ZFP90: variants seen among roughly 807,000 people sequenced by gnomAD.
ZFP90 encodes the protein ZFP90 zinc finger protein, also known as zinc finger protein 90 homolog.
In ZFP90, 38 loss-of-function variants were observed where a neutral mutation model predicts 60.8. That is an observed-to-expected ratio of 0.62 (90% CI 0.48 to 0.82). The LOEUF is 0.82. Among genes scored for constraint, ZFP90 ranks in the 40% least tolerant of loss-of-function variants. The probability of loss-of-function intolerance (pLI) is 0.00; values close to 1 mark genes in which losing one functional copy is unlikely to be tolerated. For missense variants in ZFP90, 711 were observed against 759.1 expected, an observed-to-expected ratio of 0.94 and a Z score of 0.74; for synonymous variants, 287 against 264.8, an observed-to-expected ratio of 1.08 and a Z score of -0.82.
rs568008730 is a variant in ZFP90 at position 68,565,049 on chromosome 16, T to G, written c.*351T>G. 2.3e-5 allele frequency: 23 copies of G among 1,012,022 alleles called. No individual in the cohort carries two copies. The South Asian group carries it at 9.3e-4, about 41-fold the overall frequency. The allele number at this position is 1,012,022 out of a possible 1,614,324, so 62.7% of individuals were successfully genotyped here. A position where few individuals can be genotyped will look rare whatever the true frequency, so the allele number is the denominator to read the frequency against. ...TTTTTTAAAAAGCAAATTCCTGCAG[T>G]AATGACCAAAACCCATTTTAAAAAT... On this transcript the variant is annotated 3_prime_UTR_variant, in exon 5 of 5. Transcript: ENST00000563169.
upstream of ZFP90, among the ~76,000 whole-genome samples, chr16:68,536,483 T>C (rs1354523643): frequency 1.3e-5 from 2 of 152,192 alleles, no homozygotes; most frequent in Middle Eastern, 3.4e-3. Flanking sequence ...ATTATTACTA[T>C]TGTAGAAACA....
chr16:68,538,933 C>T (rs1161339277), upstream of ZFP90, among the ~76,000 whole-genome samples: 1 of 152,196 alleles, frequency 6.6e-6, no homozygotes, highest in Non-Finnish European at 1.5e-5. Context: ...CACTCCCTTC[C>T]TGTGTCACTC....
downstream of ZFP90, among the ~76,000 whole-genome samples, chr16:68,576,429 T>C (rs1016867478): frequency 6.6e-6 from 1 of 152,074 alleles, no homozygotes; most frequent in Non-Finnish European, 1.5e-5. Context: ...AGCTGGGTAA[T>C]AAGATGTCTG....
chr16:68,573,233 A>G (rs2152079132), intron 2 of ZFP90, among the ~76,000 whole-genome samples: 1 of 152,340 alleles, frequency 6.6e-6, no homozygotes, highest in African/African-American at 2.4e-5. Context: ...GAGACTGGTT[A>G]GAGGCAAGGA....
At chr16:68,533,619 A>G (rs1304614522) in intron 1 of ZFP90, 1 of 152,042 alleles carries the variant, frequency 6.6e-6, no homozygotes, top group Non-Finnish European at 1.5e-5. Flanking sequence ...TTTAATCCTC[A>G]TTGATGAAGA....
intron 2 of ZFP90, 89 bp downstream of exon 2, chr16:68,539,914 C>T (rs376504895): frequency 1.3e-6 from 2 of 1,500,360 alleles, no homozygotes; most frequent in Admixed American, 4.0e-5. Flanking sequence ...TTGTTCTCTG[C>T]CTGGCGACTC....
intron 2 of ZFP90, among the ~76,000 whole-genome samples, chr16:68,542,744 T>C (rs2091074812): frequency 6.6e-6 from 1 of 152,180 alleles, no homozygotes; most frequent in African/African-American, 2.4e-5. Context: ...TAGAGGAGAA[T>C]AGAAGGAGTT....
intron 2 of ZFP90, among the ~76,000 whole-genome samples, chr16:68,541,110 A>G (rs1050417677): frequency 6.6e-6 from 1 of 151,848 alleles, no homozygotes; most frequent in Non-Finnish European, 1.5e-5. Flanking sequence ...ATCTCGGCTC[A>G]CTGCAACCTC....
At position 68,565,050 on chromosome 16, in the gene ZFP90, A is replaced by G; in HGVS notation, c.*352A>G. On this transcript the variant is annotated 3_prime_UTR_variant, in exon 5 of 5. Transcript: ENST00000563169. ...TTTTTAAAAAGCAAATTCCTGCAGT[A>G]ATGACCAAAACCCATTTTAAAAATT... is the stretch of plus-strand genomic sequence containing the variant. The G allele has an allele frequency of 9.9e-7, 1 of 1,011,642 alleles. No homozygotes were observed. The highest frequency in any genetic ancestry group is 1.2e-6 in the Non-Finnish European group (1 of 847,356). The allele number at this position is 1,011,642 out of a possible 1,614,324, so 62.7% of individuals were successfully genotyped here.
chr16:68,548,545 C>G (rs1301838072), intron 2 of ZFP90, among the ~76,000 whole-genome samples: 1 of 136,508 alleles, frequency 7.3e-6, no homozygotes, highest in East Asian at 2.2e-4. Context: ...GGCTGGAGTG[C>G]AATGGCGCAA....
chr16:68,564,300 G>A lies in ZFP90; in HGVS notation c.1513G>A (p.Ala505Thr), dbSNP rs1430023698. Residue 505 changes from alanine (A) to threonine (T), a missense_variant, in exon 5 of 5, where the codon GCT (alanine) becomes ACT (threonine). Physicochemically the swap from Ala to Thr is moderately conservative, Grantham distance 58. This residue lies in a region of ZFP90 where 295 missense variants were observed against 274.0 expected (regional missense o/e 1.08). Transcript: ENST00000563169. Reference protein sequence around the residue: ...KPYQCNVCGKAFKRSTSFIEH... With the variant: ...KPYQCNVCGKTFKRSTSFIEH... ...CTATCAATGTAATGTATGTGGGAAA[G>A]CTTTCAAAAGGAGTACAAGTTTCAT... 1.2e-6 allele frequency: 2 copies of A among 1,614,138 alleles called. No homozygotes were observed. The highest frequency in any genetic ancestry group is 4.5e-5 in the East Asian group (2 of 44,876).
At chr16:68,555,483 C>T (rs1046335628) in intron 2 of ZFP90, among the ~76,000 whole-genome samples, 1 of 152,148 alleles carries the variant, frequency 6.6e-6, no homozygotes, top group Admixed American at 6.5e-5. Flanking sequence ...CTCCTGCCTT[C>T]TTTAATATTC....
downstream of ZFP90, among the ~76,000 whole-genome samples, chr16:68,572,032 C>CT (rs963602023): frequency 3.3e-5 from 5 of 151,266 alleles, no homozygotes; most frequent in Admixed American, 6.6e-5. Flanking sequence ...TTAACAAACA[C>CT]TTTTTTTTTG....
intron 4 of ZFP90, 80 bp downstream of exon 4, chr16:68,558,648 C>A: frequency 1.5e-6 from 2 of 1,304,022 alleles, no homozygotes; most frequent in Non-Finnish European, 1.1e-6. Flanking sequence ...CCTCCAGCAG[C>A]TGGCTTGCGA....
rs2091517022 is a variant in ZFP90 at position 68,565,767 on chromosome 16, T to C, written c.*1069T>C. On this transcript the variant is annotated 3_prime_UTR_variant, in exon 5 of 5. Transcript: ENST00000563169. Reference sequence around the variant, plus strand: ...ATTGCCCATTGCCATAAATTTTGCCTTGTACTCAGAGAAGCAACATGCACT... The same window carrying C: ...ATTGCCCATTGCCATAAATTTTGCCCTGTACTCAGAGAAGCAACATGCACT... 3 of 985,510 alleles carry C rather than the reference T, an allele frequency of 3.0e-6. No individual in the cohort carries two copies. Among genetic ancestry groups the C allele is most frequent in the African/African-American group, 1.7e-5 (1 of 57,342 alleles). 61.0% of individuals were successfully genotyped at this position (985,510 alleles called of 1,614,324 possible).
upstream of ZFP90, among the ~76,000 whole-genome samples, chr16:68,536,538 A>G (rs1289944579): frequency 6.6e-6 from 1 of 152,176 alleles, no homozygotes; most frequent in African/African-American, 2.4e-5. Context: ...GCCTAGGCTC[A>G]AGCGATCCTC....
intron 4 of ZFP90, among the ~76,000 whole-genome samples, chr16:68,561,618 T>G (rs2091440327): frequency 1.3e-5 from 2 of 152,198 alleles, no homozygotes; most frequent in Admixed American, 1.3e-4. Flanking sequence ...CTCTGTTTAT[T>G]ATGGTATTTT....
At chr16:68,559,278 G>T (rs1039571689) in intron 4 of ZFP90, among the ~76,000 whole-genome samples, 1 of 151,918 alleles carries the variant, frequency 6.6e-6, no homozygotes, top group Non-Finnish European at 1.5e-5. Context: ...TTGTACCATG[G>T]TTACTTTTAT....
At chr16:68,557,113 G>C in intron 2 of ZFP90, 3 of 445,412 alleles carry the variant, frequency 6.7e-6, no homozygotes, top group Non-Finnish European at 1.4e-5. Context: ...TCAGCCTCCT[G>C]AGTAGCTGGG....
Sources: allele counts gnomAD v4.1 joint callset (sites outside exome capture counted in the v4.1 genomes callset), GRCh38; gene constraint gnomAD v4.1.1; regional missense constraint gnomAD v4.1.1; transcripts MANE v1.5; gene names NCBI Gene and HGNC (gene_info 2026-07-23, HGNC 2026-07-21).